The following NEBL variants were observed in gnomAD, a reference collection of about 807,000 sequenced individuals.
NEBL encodes the protein nebulette, also known as LIM and SH3 protein 2.
Under a neutral mutation model 140.2 loss-of-function variants are expected in NEBL, and 122 were observed. That is an observed-to-expected ratio of 0.87 (90% CI 0.75 to 1.01). The LOEUF is 1.01. Among genes scored for constraint, NEBL ranks in the 50% least tolerant of loss-of-function variants. The probability of loss-of-function intolerance (pLI) is 0.00; values close to 1 mark genes in which losing one functional copy is unlikely to be tolerated. For missense variants in NEBL, 1,365 were observed against 1,231.3 expected (o/e 1.11, Z -1.62); for synonymous variants, 436 against 398.9 (o/e 1.09, Z -1.11).
chr10:20,817,823 C>G (rs192271876), intron 20 of NEBL, 131 bp from the exon 21 acceptor site: 1 of 762,040 alleles, frequency 1.3e-6, no homozygotes, highest in Non-Finnish European at 2.3e-6. Flanking sequence ...TCAACCTTCA[C>G]GCTTACATAT....
intron 2 of NEBL, chr10:21,069,951 T>C (rs1326286497): frequency 6.6e-6 from 3 of 455,982 alleles, no homozygotes; most frequent in Non-Finnish European, 1.3e-5. Flanking sequence ...ATCATGTACT[T>C]ACAGCGGCTT....
intron 8 of NEBL, 102 bp from the exon 9 acceptor site, chr10:20,858,446 G>A (rs1238107204): frequency 4.2e-6 from 4 of 959,712 alleles, no homozygotes; most frequent in Non-Finnish European, 1.6e-6. Context: ...CTATTTAGTG[G>A]TAAATGGACA....
chr10:20,999,768 G>A (rs1775636282), intron 3 of NEBL, among the ~76,000 whole-genome samples: 2 of 152,138 alleles, frequency 1.3e-5, no homozygotes, highest in Admixed American at 6.5e-5. Flanking sequence ...CGCTTTAACT[G>A]CCGTGGAGGC....
At chr10:20,994,002 A>G (rs982151629) in intron 3 of NEBL, among the ~76,000 whole-genome samples, 11 of 152,210 alleles carry the variant, frequency 7.2e-5, no homozygotes, top group Non-Finnish European at 1.3e-4. Flanking sequence ...ATTAAACCAC[A>G]GCCACATAAA....
intron 1 of NEBL, among the ~76,000 whole-genome samples, chr10:21,283,865 A>C (rs905927475): frequency 5.9e-5 from 9 of 151,888 alleles, no homozygotes; most frequent in Admixed American, 5.3e-4. Context: ...TTTAGGTCTT[A>C]GACTGCAACA....
intron 1 of NEBL, among the ~76,000 whole-genome samples, chr10:21,267,258 G>A (rs1842808117): frequency 6.6e-6 from 1 of 152,286 alleles, no homozygotes; most frequent in South Asian, 2.1e-4. Flanking sequence ...TTACAGGCAT[G>A]AGCCACCACA....
At chr10:20,978,792 A>G (rs1483328284) in intron 3 of NEBL, among the ~76,000 whole-genome samples, 5 of 151,954 alleles carry the variant, frequency 3.3e-5, no homozygotes, top group African/African-American at 1.2e-4. Context: ...TGGAGCATCC[A>G]GTAATCAAAA....
intron 4 of NEBL, among the ~76,000 whole-genome samples, chr10:20,913,599 A>G (rs1327037483): frequency 2.0e-5 from 3 of 152,254 alleles, no homozygotes; most frequent in Non-Finnish European, 4.4e-5. Context: ...ACAAAAACCA[A>G]GTGTACGAAA....
chr10:21,165,822 A>G (rs1840738151), intron 2 of NEBL, among the ~76,000 whole-genome samples: 1 of 152,160 alleles, frequency 6.6e-6, no homozygotes, highest in Non-Finnish European at 1.5e-5. Context: ...GCACAAACAG[A>G]AAAGTGGCTG....
intron 2 of NEBL, among the ~76,000 whole-genome samples, chr10:21,070,907 T>C (rs1738893107): frequency 6.6e-6 from 1 of 152,166 alleles, no homozygotes; most frequent in African/African-American, 2.4e-5. Context: ...AAGATGGCAG[T>C]GGCTCACACC....
chr10:21,224,289 G>C (rs2132247879), intron 3 of NEBL, among the ~76,000 whole-genome samples: 1 of 152,246 alleles, frequency 6.6e-6, no homozygotes, highest in South Asian at 2.1e-4. Context: ...TTCAATGCAT[G>C]TTCTTGGCAC....
At chr10:21,223,464 G>T (rs956993189) in intron 3 of NEBL, among the ~76,000 whole-genome samples, 1 of 152,130 alleles carries the variant, frequency 6.6e-6, no homozygotes, top group African/African-American at 2.4e-5. Flanking sequence ...TGGACACTTT[G>T]GTTGCTTCCA....
At chr10:20,967,491 G>C (rs1836372584) in intron 3 of NEBL, among the ~76,000 whole-genome samples, 1 of 152,196 alleles carries the variant, frequency 6.6e-6, no homozygotes, top group South Asian at 2.1e-4. Context: ...AGCCGGGTGT[G>C]ATGGTACACC....
At chr10:21,125,047 A>C (rs1483669346) in intron 2 of NEBL, among the ~76,000 whole-genome samples, 1 of 152,236 alleles carries the variant, frequency 6.6e-6, no homozygotes, top group Non-Finnish European at 1.5e-5. Flanking sequence ...AAGGCAGCAC[A>C]AACACAGATC....
chr10:21,290,926 T>C (rs1185123612), intron 1 of NEBL, among the ~76,000 whole-genome samples: 1 of 152,176 alleles, frequency 6.6e-6, no homozygotes, highest in Non-Finnish European at 1.5e-5. Flanking sequence ...ATGCCTTTTC[T>C]CCTTTTAATC....
chr10:20,997,470 GTAAAAAAAAAAAAAA>G (rs1837713098), intron 3 of NEBL, among the ~76,000 whole-genome samples: 1 of 27,452 alleles, frequency 3.6e-5, no homozygotes, highest in East Asian at 7.9e-4. Context: ...CACAGTCTCA[GTAAAAAAAAAAAAAA>G]AAAAAAAAAA....
intron 14 of NEBL, among the ~76,000 whole-genome samples, chr10:20,832,832 C>T (rs1274369556): frequency 6.6e-6 from 1 of 152,164 alleles, no homozygotes; most frequent in Non-Finnish European, 1.5e-5. Flanking sequence ...TACTGACTTA[C>T]ACTCCCAGTA....
At chr10:21,051,478 T>C (rs1296485048) in intron 2 of NEBL, among the ~76,000 whole-genome samples, 2 of 152,258 alleles carry the variant, frequency 1.3e-5, no homozygotes, top group African/African-American at 2.4e-5. Flanking sequence ...GTCATCCTCA[T>C]GGTACCCCCA....
At chr10:20,947,926 G>C (rs1835259766) in intron 4 of NEBL, among the ~76,000 whole-genome samples, 1 of 152,110 alleles carries the variant, frequency 6.6e-6, no homozygotes, top group Non-Finnish European at 1.5e-5. Flanking sequence ...TTTAGAGCAG[G>C]GGTGTCCAAT....
Sources: allele counts gnomAD v4.1 joint callset (sites outside exome capture counted in the v4.1 genomes callset), GRCh38; gene constraint gnomAD v4.1.1; transcripts MANE v1.5; gene names NCBI Gene and HGNC (gene_info 2026-07-23, HGNC 2026-07-21).